Variants in TDRD9 observed in about 807,000 individuals in gnomAD.
TDRD9 encodes the protein tudor domain containing 9, also known as ATP-dependent RNA helicase TDRD9.
In TDRD9, 124 loss-of-function variants were observed where a neutral mutation model predicts 172.6. That is an observed-to-expected ratio of 0.72 (90% CI 0.62 to 0.83). TDRD9 has a LOEUF of 0.83. Ranked by LOEUF, TDRD9 falls within the 40% of genes least tolerant of loss-of-function variation. The pLI, the probability that TDRD9 is intolerant of heterozygous loss-of-function variation, is 0.00. For missense variants in TDRD9, 1,479 were observed against 1,714.1 expected (o/e 0.86, Z 2.42); for synonymous variants, 619 against 617.1 (o/e 1.00, Z -0.05).
rs942097901 is a variant in TDRD9, at chr14:103,963,185, G to A, written c.420+9G>A. 6.5e-7 allele frequency: 1 copy of A among 1,532,092 alleles called. No homozygotes were observed. Among genetic ancestry groups the A allele is most frequent in the African/African-American group, 1.4e-5 (1 of 72,398 alleles). 94.9% of individuals were successfully genotyped at this position (1,532,092 alleles called of 1,614,324 possible). On this transcript the variant is annotated intron_variant, in intron 3 of 35. Coordinates refer to ENST00000409874, the MANE Select transcript of TDRD9 (RefSeq NM_153046.3). ...GTCGATACAAGGAAGAGGTAAAATT[G>A]TTTTGTTATACTGTAATTTTGCTGT...
intron 30 of TDRD9, 49 bp from the exon 31 acceptor site, chr14:104,033,911 C>T (rs755546058): frequency 6.8e-5 from 84 of 1,231,452 alleles, no homozygotes; most frequent in Non-Finnish European, 1.6e-5. Context: ...TAGCACATTG[C>T]CTGGTTAGTG....
At chr14:103,937,538 G>A (rs1182198713) in intron 1 of TDRD9, among the ~76,000 whole-genome samples, 1 of 152,038 alleles carries the variant, frequency 6.6e-6, no homozygotes, top group Non-Finnish European at 1.5e-5. Context: ...CTGAACTCCT[G>A]CCTCCATCCA....
intron 9 of TDRD9, among the ~76,000 whole-genome samples, chr14:103,993,005 G>A (rs2033930293): frequency 1.3e-5 from 2 of 151,120 alleles, no homozygotes; most frequent in Admixed American, 1.3e-4. Flanking sequence ...GGGTCTTGCT[G>A]TGTTCCCCAG....
At position 104,033,970 on chromosome 14, in the gene TDRD9, A is replaced by G; in HGVS notation, c.3520A>G (p.Ile1174Val). 1 of 1,548,812 alleles carries G rather than the reference A, an allele frequency of 6.5e-7. No individual in the cohort carries two copies. The highest frequency in any genetic ancestry group is 1.4e-5 in the African/African-American group (1 of 73,012). The stretch of plus-strand genomic sequence containing the variant: ...GCTCCTGCCTTTTAGGTGTGTTTGG[A>G]TTGAGAAGGAGAGCATCAACTCTGT... ...TRISKFRCVW[I>V]EKESINSVII... Residue 1174 changes from isoleucine to valine, a missense_variant, in exon 31 of 36, where the codon ATT becomes GTT. Around this residue, in one of 3 missense-constraint regions of TDRD9, gnomAD observed 1,413 missense variants for 1,649.1 expected, o/e 0.86. Transcript: ENST00000409874.
intron 22 of TDRD9, among the ~76,000 whole-genome samples, chr14:104,016,628 T>G (rs1299920016): frequency 6.6e-6 from 1 of 152,194 alleles, no homozygotes; most frequent in Non-Finnish European, 1.5e-5. Flanking sequence ...TTTGGGCATA[T>G]CTAATGATCA....
At chr14:104,000,890 C>T (rs1245872435) in intron 13 of TDRD9, among the ~76,000 whole-genome samples, 2 of 152,106 alleles carry the variant, frequency 1.3e-5, no homozygotes, top group Non-Finnish European at 2.9e-5. Context: ...TTTTGTCTAC[C>T]TTTTTGTATA....
At chr14:103,985,021 T>C (rs982430757) in intron 7 of TDRD9, among the ~76,000 whole-genome samples, 32 of 152,314 alleles carry the variant, frequency 2.1e-4, no homozygotes, top group African/African-American at 7.7e-4. Context: ...CCCCTTTATT[T>C]TGGCCAATTT....
chr14:104,049,120 A>ATGTATGTATGTATG (rs1555377358), intron 34 of TDRD9, among the ~76,000 whole-genome samples: 6 of 101,872 alleles, frequency 5.9e-5, no homozygotes, highest in South Asian at 3.5e-4. Context: ...GTATGTATGT[A>ATGTATGTATGTATG]TGTGTGTGTG....
chr14:103,989,655 A>AG (rs2033798166), intron 8 of TDRD9, among the ~76,000 whole-genome samples: 1 of 152,228 alleles, frequency 6.6e-6, no homozygotes, highest in Admixed American at 6.5e-5. Context: ...CTGGTCCCCC[A>AG]GGGAATGGTG....
chr14:104,051,930 TG>T, intron 35 of TDRD9, 50 bp from the exon 36 acceptor site: 1 of 1,248,640 alleles, frequency 8.0e-7, no homozygotes, highest in African/African-American at 1.5e-5. Flanking sequence ...ATTTTATGTC[TG>T]GAAAAGCCCT....
At chr14:103,972,222 G>A (rs1461465353) in intron 6 of TDRD9, among the ~76,000 whole-genome samples, 2 of 151,976 alleles carry the variant, frequency 1.3e-5, no homozygotes, top group South Asian at 2.1e-4. Context: ...CAGGAGAATT[G>A]CTTGAAGCCG....
In TDRD9 at chr14:103,928,494, C is replaced by G; in HGVS notation, c.-16C>G. 1 of 1,433,308 alleles carries G rather than the reference C, an allele frequency of 7.0e-7. No homozygotes were observed. Among genetic ancestry groups the G allele is most frequent in the South Asian group, 1.3e-5 (1 of 75,226 alleles). 88.8% of individuals were successfully genotyped at this position (1,433,308 alleles called of 1,614,324 possible). ...AGACCCGGCAGTTGGGGGATGCCGA[C>G]GCCTGGGCCTTGAGGATGCTGCGGA... On this transcript the variant is annotated 5_prime_UTR_variant, in exon 1 of 36. Transcript: ENST00000409874.
At chr14:103,998,878 C>A in intron 13 of TDRD9, 150 bp downstream of exon 13, 2 of 520,344 alleles carry the variant, frequency 3.8e-6, no homozygotes, top group Middle Eastern at 5.3e-4. Flanking sequence ...CTGCAAGCTC[C>A]GCTTCCCGGG....
intron 2 of TDRD9, 88 bp from the exon 3 acceptor site, chr14:103,962,991 T>TGC: frequency 1.5e-6 from 1 of 685,434 alleles, no homozygotes; most frequent in Non-Finnish European, 2.5e-6. Context: ...TGTGTGTGTG[T>TGC]GTATGCTGTA....
Position 103,960,647 on chromosome 14 carries a change from G to A in TDRD9, c.323-2432G>A, listed in dbSNP as rs190924725. On this transcript the variant is annotated intron_variant, in intron 2 of 35. Coordinates refer to ENST00000409874, the MANE Select transcript of TDRD9 (RefSeq NM_153046.3). ...TTGGTTTCCTGTCTGCCCTTTGGCA[G>A]TGTACGCGGAGGCAGGACTTGATTT... 5.1e-3 allele frequency among the ~76,000 whole-genome samples: 774 copies of A among 152,124 alleles called. 11 individuals carry two copies. The highest frequency in any genetic ancestry group is 0.018 in the African/African-American group (747 of 41,572).
chr14:103,963,054 A>G (rs1566742915), intron 2 of TDRD9, 25 bp from the exon 3 acceptor site: 2 of 1,392,292 alleles, frequency 1.4e-6, no homozygotes, highest in Admixed American at 4.5e-5. Context: ...ATGGCATTGT[A>G]TTTGTTTGTT....
chr14:104,022,253 T>G lies in TDRD9; in HGVS notation c.2529T>G (p.Leu843=), dbSNP rs1363287038. The change falls in exon 24 of 36, where the codon CTT becomes CTG. Residue 843 remains leucine, a synonymous_variant. Transcript: ENST00000409874. ...AIKMSQLKVS[L]ELSVHSAEEI... ...AGATGTCTCAACTAAAAGTTTCACT[T>G]GAACTCAGCGTTCATTCTGCAGAGG... 2 of 1,612,808 alleles carry G rather than the reference T, an allele frequency of 1.2e-6. No homozygotes were observed. Among genetic ancestry groups the G allele is most frequent in the South Asian group, 1.1e-5 (1 of 90,554 alleles).
At chr14:104,017,207 T>C (rs538764619) in intron 22 of TDRD9, among the ~76,000 whole-genome samples, 13 of 152,022 alleles carry the variant, frequency 8.6e-5, no homozygotes, top group Non-Finnish European at 1.8e-4. Flanking sequence ...CTCAGACGTC[T>C]AGTAGCTATG....
Position 104,032,039 on chromosome 14 carries a change from A to G in TDRD9, c.3461A>G (p.Asn1154Ser). ...NCKAELHGPF[N>S]PYELKCHSLT... is the part of the protein sequence containing the mutation. ...CAGGCAGAACTTCACGGGCCTTTTA[A>G]CCCTTATGAACTAAAGTGCCATAGT... The change falls in exon 30 of 36, where the codon AAC becomes AGC. Residue 1154 changes from asparagine to serine, a missense_variant. Coordinates refer to ENST00000409874, the MANE Select transcript of TDRD9 (RefSeq NM_153046.3). The G allele has an allele frequency of 6.5e-7, 1 of 1,549,282 alleles. No homozygotes were observed. The highest frequency in any genetic ancestry group is 1.2e-5 in the South Asian group (1 of 82,914).
Sources: gnomAD v4.1 joint callset for allele counts (sites outside exome capture counted in the v4.1 genomes callset) on GRCh38, gnomAD v4.1.1 for gene constraint, gnomAD v4.1.1 regional missense constraint, MANE v1.5 for transcripts, NCBI Gene and HGNC (gene_info 2026-07-23, HGNC 2026-07-21) for gene names.